The following PPA2 variants were observed in gnomAD, a reference collection of about 807,000 sequenced individuals.
The protein encoded by PPA2 is inorganic pyrophosphatase 2, mitochondrial.
Under a neutral mutation model 49.5 loss-of-function variants are expected in PPA2, and 48 were observed. The ratio of observed to expected loss-of-function variants is 0.97; its 90% CI spans 0.77 to 1.23. The LOEUF (loss-of-function observed/expected upper bound fraction) is 1.23, where lower values mean the gene tolerates loss of function less well. Among genes scored for constraint, PPA2 ranks in the 50% most tolerant of loss-of-function variants. The pLI, the probability that PPA2 is intolerant of heterozygous loss-of-function variation, is 0.00. For synonymous variants in PPA2, 131 were observed against 139.9 expected (o/e 0.94, Z 0.45); for missense variants, 429 against 410.1 (o/e 1.05, Z -0.40).
intron 10 of PPA2, among the ~76,000 whole-genome samples, chr4:105,374,929 TG>T (rs1161602742): frequency 6.6e-6 from 1 of 151,538 alleles, no homozygotes; most frequent in Non-Finnish European, 1.5e-5. Context: ...TGAACTCAAT[TG>T]ATCTACCCGC....
At chr4:105,441,967 C>G (rs1483640372) in intron 5 of PPA2, among the ~76,000 whole-genome samples, 1 of 151,376 alleles carries the variant, frequency 6.6e-6, no homozygotes, top group African/African-American at 2.4e-5. Context: ...ATTCCTATCA[C>G]AAGTCGAAGG....
At chr4:105,370,420 T>C (rs1732975677) in intron 11 of PPA2, 5 of 227,170 alleles carry the variant, frequency 2.2e-5, no homozygotes, top group Non-Finnish European at 3.6e-5. Flanking sequence ...ATAATGGTAA[T>C]AAAAATATTA....
intron 7 of PPA2, chr4:105,405,655 A>T: frequency 3.0e-6 from 3 of 1,011,860 alleles, no homozygotes; most frequent in Non-Finnish European, 3.6e-6. Context: ...GAAAAAACAG[A>T]GACCTTTTGA....
intron 9 of PPA2, among the ~76,000 whole-genome samples, chr4:105,395,205 A>G (rs1014176175): frequency 2.0e-5 from 3 of 152,178 alleles, no homozygotes; most frequent in African/African-American, 7.2e-5. Flanking sequence ...TTTGTGTTGT[A>G]GGCAAAATGG....
At chr4:105,407,123 A>T in intron 7 of PPA2, 1 of 120,330 alleles carries the variant, frequency 8.3e-6, no homozygotes, top group South Asian at 2.7e-4. Flanking sequence ...ATTCGCCACC[A>T]GCAGGAGTGC....
At chr4:105,435,883 C>T (rs1578859213) in intron 6 of PPA2, among the ~76,000 whole-genome samples, 1 of 152,038 alleles carries the variant, frequency 6.6e-6, no homozygotes, top group East Asian at 1.9e-4. Context: ...AGCATTCCCC[C>T]TAAGAACCAG....
intron 4 of PPA2, among the ~76,000 whole-genome samples, chr4:105,447,643 GATT>G (rs1722456009): frequency 6.6e-6 from 1 of 151,568 alleles, no homozygotes; most frequent in Non-Finnish European, 1.5e-5. Flanking sequence ...AAATATATAC[GATT>G]ATAACTTGTC....
chr4:105,405,647 A>G (rs1376849732), intron 7 of PPA2: 3 of 1,013,878 alleles, frequency 3.0e-6, no homozygotes, highest in Non-Finnish European at 3.6e-6. Context: ...CTGCTTCGGA[A>G]AAAACAGAGA....
At chr4:105,437,859 GAA>G in intron 6 of PPA2, 89 bp downstream of exon 6, 1 of 894,574 alleles carries the variant, frequency 1.1e-6, no homozygotes, top group Non-Finnish European at 1.7e-6. Context: ...CTTGAACTCT[GAA>G]GAGTTGAAGA....
chr4:105,380,980 A>T (rs912792372), intron 10 of PPA2, among the ~76,000 whole-genome samples: 4 of 152,130 alleles, frequency 2.6e-5, no homozygotes, highest in Non-Finnish European at 5.9e-5. Flanking sequence ...TCTTCAAAGT[A>T]GTTGTAGCCA....
At chr4:105,392,591 T>G (rs1489795601) in intron 9 of PPA2, among the ~76,000 whole-genome samples, 1 of 151,590 alleles carries the variant, frequency 6.6e-6, no homozygotes, top group East Asian at 1.9e-4. Context: ...GAGAATTGCT[T>G]GAGCCCGGGA....
chr4:105,460,858 C>CATATATATATAT lies in PPA2; in HGVS notation c.158-4114_158-4113insATATATATATAT, dbSNP rs746079683. ...CAATACTTATTAAGATGTAAGATCA[C>CATATATATATAT]ATATATATATAGTTTTCTAATTGTC... On this transcript the variant is annotated intron_variant, in intron 1 of 11. Coordinates refer to ENST00000341695, the MANE Select transcript of PPA2 (RefSeq NM_176869.3). 3.2e-4 allele frequency among the ~76,000 whole-genome samples: 46 copies of CATATATATATAT among 145,032 alleles called. 1 individual carries two copies. Among genetic ancestry groups the CATATATATATAT allele is most frequent in the African/African-American group, 1.0e-3 (38 of 36,424 alleles).
intron 10 of PPA2, among the ~76,000 whole-genome samples, chr4:105,378,825 T>C (rs1255396309): frequency 1.3e-5 from 2 of 152,154 alleles, no homozygotes; most frequent in Non-Finnish European, 1.5e-5. Flanking sequence ...AAATCAGTTG[T>C]CCAAATATAT....
rs1376714151 is a variant in PPA2 at position 105,473,866 on chromosome 4, G to A, written c.157+28C>T. 8 of 1,575,764 alleles carry A rather than the reference G, an allele frequency of 5.1e-6. No homozygotes were observed. The South Asian group carries it at 8.0e-5, about 16-fold the overall frequency. On this transcript the variant is annotated intron_variant, in intron 1 of 11. Coordinates refer to ENST00000341695, the MANE Select transcript of PPA2 (RefSeq NM_176869.3). Reference sequence around the variant, plus strand: ...CCCACCCAGGTTTCTCCGGTGCGCCGCTCGGCGAACCTCCGGGAGCTACTT... The same window carrying A: ...CCCACCCAGGTTTCTCCGGTGCGCCACTCGGCGAACCTCCGGGAGCTACTT...
intron 1 of PPA2, among the ~76,000 whole-genome samples, chr4:105,471,496 T>C (rs1723521480): frequency 6.6e-6 from 1 of 152,196 alleles, no homozygotes; most frequent in African/African-American, 2.4e-5. Flanking sequence ...TGGAATATAT[T>C]TGGAGATGTG....
At chr4:105,377,162 G>A (rs1254008346) in intron 10 of PPA2, among the ~76,000 whole-genome samples, 1 of 152,102 alleles carries the variant, frequency 6.6e-6, no homozygotes, top group Non-Finnish European at 1.5e-5. Flanking sequence ...TAGTAAGGCT[G>A]ACTTTTCCAA....
chr4:105,411,701 A>G (rs1475963026), intron 7 of PPA2, among the ~76,000 whole-genome samples: 1 of 152,234 alleles, frequency 6.6e-6, no homozygotes, highest in Non-Finnish European at 1.5e-5. Flanking sequence ...CCATCATCTC[A>G]GCCCAAAATC....
chr4:105,369,542 A>G lies in PPA2; in HGVS notation c.*183T>C. 1 of 575,340 alleles carries G rather than the reference A, an allele frequency of 1.7e-6. No homozygotes were observed. Among genetic ancestry groups the G allele is most frequent in the South Asian group, 2.6e-5 (1 of 38,630 alleles). 35.6% of individuals were successfully genotyped at this position (575,340 alleles called of 1,614,324 possible). On this transcript the variant is annotated 3_prime_UTR_variant, in exon 12 of 12. Transcript: ENST00000341695. ...CTGGCCAAAATCTTCTTTTTATATC[A>G]ATAAATGTCCAAAGGAGAGTAATTT...
At position 105,409,137 on chromosome 4, in the gene PPA2, C is replaced by A. The variant is rs142903272; in HGVS notation, c.656-9973G>T. ...GAAGCACAAGGGATCGGGGATTTCC[C>A]TTTCCTAGGCAAGGGAAGCCATGAC... On this transcript the variant is annotated intron_variant, in intron 7 of 11. Transcript: ENST00000341695. 3.0e-3 allele frequency among the ~76,000 whole-genome samples: 457 copies of A among 152,296 alleles called. 2 individuals are homozygous for A. Among genetic ancestry groups the A allele is most frequent in the African/African-American group, 0.01 (430 of 41,566 alleles).
Sources: gnomAD v4.1 joint callset for allele counts (sites outside exome capture counted in the v4.1 genomes callset) on GRCh38, gnomAD v4.1.1 for gene constraint, MANE v1.5 for transcripts, NCBI Gene and HGNC (gene_info 2026-07-23, HGNC 2026-07-21) for gene names.